Variants in SBNO1 observed in about 807,000 individuals in gnomAD.
SBNO1 encodes the protein protein strawberry notch homolog 1.
A neutral mutation model predicts 173.6 loss-of-function variants in SBNO1; 23 were observed. That is an observed-to-expected ratio of 0.13 (90% CI 0.10 to 0.19). SBNO1 has a LOEUF of 0.19. Ranked by LOEUF, SBNO1 falls within the 10% of genes least tolerant of loss-of-function variation. The pLI is 1.00. For missense variants in SBNO1, 1,238 were observed against 1,671.2 expected (o/e 0.74, Z 4.52); for synonymous variants, 632 against 571.5 (o/e 1.11, Z -1.51).
intron 1 of SBNO1, among the ~76,000 whole-genome samples, chr12:123,360,621 T>C (rs1425386621): frequency 6.6e-6 from 1 of 151,898 alleles, no homozygotes; most frequent in African/African-American, 2.4e-5. Context: ...ATTTTTTGTA[T>C]TTTTAGTAGA....
chr12:123,325,279 CTG>C (rs1177864343), intron 15 of SBNO1, among the ~76,000 whole-genome samples: 2 of 152,180 alleles, frequency 1.3e-5, no homozygotes, highest in East Asian at 3.8e-4. Flanking sequence ...TTCACATACT[CTG>C]TGTAATATTA....
At chr12:123,347,258 G>A (rs1322137814) in intron 3 of SBNO1, among the ~76,000 whole-genome samples, 2 of 151,610 alleles carry the variant, frequency 1.3e-5, no homozygotes, top group African/African-American at 4.8e-5. Flanking sequence ...ACAGAGTCTC[G>A]CTCTGTCACC....
At position 123,309,698 on chromosome 12, in the gene SBNO1, T is replaced by G; in HGVS notation, c.3442+12A>C. The stretch of plus-strand genomic sequence containing the variant: ...CTGGGGACATTGTGGGGGGGAAATT[T>G]TCCCTACTTACCTAAGATTCCCATA... On this transcript the variant is annotated intron_variant, in intron 26 of 31. Coordinates refer to ENST00000602398, the MANE Select transcript of SBNO1 (RefSeq NM_001167856.3). The G allele has an allele frequency of 6.2e-7, 1 of 1,610,892 alleles. No individual in the cohort carries two copies. The highest frequency in any genetic ancestry group is 8.5e-7 in the Non-Finnish European group (1 of 1,178,644).
chr12:123,313,377 T>C (rs542333104), intron 24 of SBNO1, among the ~76,000 whole-genome samples: 1 of 152,074 alleles, frequency 6.6e-6, no homozygotes, highest in East Asian at 1.9e-4. Flanking sequence ...CTCTATTAAA[T>C]CTCTTATTAG....
At position 123,328,741 on chromosome 12, in the gene SBNO1, T is replaced by C. The variant is rs1480350885; in HGVS notation, c.1289A>G (p.Asp430Gly). ...QLLHWCGDDF[D>G]GVIVFDECHK... is the part of the protein sequence containing the mutation. ...ATTTGCCATAAAGGATACCACTCCA[T>C]CGAAGTCATCACCGCACCAATGCAG... The change falls in exon 10 of 32, where the codon GAT becomes GGT. Residue 430 changes from aspartate to glycine, a missense_variant. Around this residue, in one of 14 missense-constraint regions of SBNO1, gnomAD observed 182 missense variants for 339.9 expected, o/e 0.54. Transcript: ENST00000602398. 9.0e-6 allele frequency: 14 copies of C among 1,554,488 alleles called. No homozygotes were observed. The highest frequency in any genetic ancestry group is 1.2e-5 in the South Asian group (1 of 81,856).
At chr12:123,359,678 A>G (rs1269282227) in intron 1 of SBNO1, among the ~76,000 whole-genome samples, 1 of 152,146 alleles carries the variant, frequency 6.6e-6, no homozygotes, top group African/African-American at 2.4e-5. Context: ...TGATCTATAT[A>G]TTGCCTCCCA....
At chr12:123,346,245 C>T (rs748038843) in intron 3 of SBNO1, among the ~76,000 whole-genome samples, 1 of 152,186 alleles carries the variant, frequency 6.6e-6, no homozygotes. Context: ...CCTCCCACCC[C>T]AATCTCCCCA....
At chr12:123,363,570 G>A (rs1302644815) in intron 1 of SBNO1, among the ~76,000 whole-genome samples, 3 of 152,126 alleles carry the variant, frequency 2.0e-5, no homozygotes, top group Non-Finnish European at 4.4e-5. Context: ...AAAGGTCAAA[G>A]GGGACCAGTT....
chr12:123,298,593 T>C (rs1441627542), intron 30 of SBNO1, among the ~76,000 whole-genome samples: 1 of 152,200 alleles, frequency 6.6e-6, no homozygotes, highest in Non-Finnish European at 1.5e-5. Context: ...AGTATTTGCC[T>C]TTACTATTTC....
intron 31 of SBNO1, 107 bp downstream of exon 31, chr12:123,297,871 G>A: frequency 1.0e-6 from 1 of 985,378 alleles, no homozygotes; most frequent in Non-Finnish European, 1.6e-6. Flanking sequence ...CCCACTACTG[G>A]AAGAGATGTT....
At position 123,336,432 on chromosome 12, in the gene SBNO1, A is replaced by T. The variant is rs753761046; in HGVS notation, c.711T>A (p.Gly237=). The change falls in exon 6 of 32, where the codon GGT becomes GGA. Residue 237 remains glycine, a synonymous_variant. Transcript: ENST00000602398. ...TGTATTCTGCATAGGTTTCTGCATG[A>T]CCCATTTCTTCTTCATCTTCTTCCT... ...EPEEEDEEEM[G]HAETYAEYMP... 1.2e-6 allele frequency: 2 copies of T among 1,612,392 alleles called. No homozygotes were observed. Among genetic ancestry groups the T allele is most frequent in the Non-Finnish European group, 1.7e-6 (2 of 1,178,824 alleles).
rs2138977812 is a variant in SBNO1, at chr12:123,323,808, T to C, written c.1997A>G (p.Glu666Gly). ...TAKGVLQSLIEKHFPAPDRKK... is the reference protein window; with the variant it reads ...TAKGVLQSLIGKHFPAPDRKK... ...CCTGTCTGGAGCAGGAAAATGTTTT[T>C]CAATGAGTGACTGCAACACACCTCT... The change falls in exon 16 of 32, where the codon GAA (glutamate) becomes GGA (glycine). Residue 666 changes from glutamate to glycine, a missense_variant. Transcript: ENST00000602398. 1 of 1,611,372 alleles carries C rather than the reference T, an allele frequency of 6.2e-7. No individual in the cohort carries two copies. The highest frequency in any genetic ancestry group is 8.5e-7 in the Non-Finnish European group (1 of 1,179,158).
chr12:123,321,755 G>A (rs370857163), intron 16 of SBNO1, 23 bp from the exon 17 acceptor site: 26 of 1,596,110 alleles, frequency 1.6e-5, no homozygotes, highest in African/African-American at 2.7e-5. Flanking sequence ...ACAAACAAGA[G>A]AGTCAGCCCA....
At chr12:123,300,734 G>A (rs2048759782) in intron 30 of SBNO1, among the ~76,000 whole-genome samples, 1 of 151,884 alleles carries the variant, frequency 6.6e-6, no homozygotes. Flanking sequence ...GGCCGTGGTG[G>A]GCAGATCACA....
intron 3 of SBNO1, among the ~76,000 whole-genome samples, chr12:123,347,077 CAA>C (rs397957462): frequency 7.3e-5 from 8 of 109,620 alleles, no homozygotes; most frequent in African/African-American, 1.3e-4. Context: ...GTCTCCGTCT[CAA>C]AAAAAAAAAA....
chr12:123,327,925 G>A lies in SBNO1; in HGVS notation c.1399C>T (p.Pro467Ser), dbSNP rs768183610. The A allele has an allele frequency of 2.5e-6, 4 of 1,612,622 alleles. No homozygotes were observed. The highest frequency in any genetic ancestry group is 3.4e-6 in the Non-Finnish European group (4 of 1,179,136). ...CTAGCATAAACAACTCTGGCTTTTGGCAATTTGTTCTGAAGCTCTAAAACT... is the reference window on the plus strand; with the variant it reads ...CTAGCATAAACAACTCTGGCTTTTGACAATTTGTTCTGAAGCTCTAAAACT... The part of the protein sequence containing the change: ...LAVLELQNKL[P>S]KARVVYASAT... Residue 467 changes from proline (P) to serine (S), a missense_variant, in exon 11 of 32, where the codon CCA (proline) becomes TCA (serine). Physicochemically the swap from Pro to Ser is moderately conservative, Grantham distance 74 (BLOSUM62 -1). This residue lies in a region of SBNO1 where 182 missense variants were observed against 339.9 expected (regional missense o/e 0.54). Coordinates refer to ENST00000602398, the MANE Select transcript of SBNO1 (RefSeq NM_001167856.3).
chr12:123,298,206 C>A, intron 30 of SBNO1, 35 bp from the exon 31 acceptor site: 1 of 1,558,278 alleles, frequency 6.4e-7, no homozygotes. Context: ...ATATGAGTGT[C>A]TATATATGCA....
chr12:123,338,629 G>A (rs1373015006), intron 5 of SBNO1, among the ~76,000 whole-genome samples: 1 of 152,112 alleles, frequency 6.6e-6, no homozygotes, highest in Non-Finnish European at 1.5e-5. Context: ...AGGTTGCAGT[G>A]AGCCAAGACT....
At chr12:123,310,148 T>C (rs2049016335) in intron 25 of SBNO1, among the ~76,000 whole-genome samples, 1 of 152,222 alleles carries the variant, frequency 6.6e-6, no homozygotes, top group Non-Finnish European at 1.5e-5. Context: ...CACTGAATTC[T>C]CAACTGTAGT....
Sources: allele counts gnomAD v4.1 joint callset (sites outside exome capture counted in the v4.1 genomes callset), GRCh38; gene constraint gnomAD v4.1.1; regional missense constraint gnomAD v4.1.1; transcripts MANE v1.5; gene names NCBI Gene and HGNC (gene_info 2026-07-23, HGNC 2026-07-21).